PIK3R4: variants seen among roughly 807,000 people sequenced by gnomAD.
PIK3R4 encodes phosphoinositide-3-kinase regulatory subunit 4, also known as phosphoinositide 3-kinase regulatory subunit 4.
PIK3R4 carries 46 observed loss-of-function variants against 136.5 expected under a neutral mutation model. The ratio of observed to expected loss-of-function variants is 0.34; its 90% CI spans 0.27 to 0.43. The LOEUF is 0.43. Ranked by LOEUF, PIK3R4 falls within the 20% of genes least tolerant of loss-of-function variation. PIK3R4 has a pLI of 1.00. For missense variants in PIK3R4, 1,331 were observed against 1,649.5 expected, an observed-to-expected ratio of 0.81 and a Z score of 3.35; for synonymous variants, 557 against 566.7, an observed-to-expected ratio of 0.98 and a Z score of 0.24.
rs780909776 is a variant in PIK3R4, at chr3:130,705,716, C to G, written c.2777G>C (p.Ser926Thr). Residue 926 changes from serine to threonine, a missense_variant, in exon 12 of 20, where the codon AGT becomes ACT. Around this residue, in one of 2 missense-constraint regions of PIK3R4, gnomAD observed 1,180 missense variants for 1,407.0 expected, o/e 0.84. Transcript: ENST00000356763. ...CTGATAGGTGGATGGTAAGATTGTA[C>G]TACTTAAAACCGGTATTACTGGTTT... ...NKKPVIPVLS[S>T]TILPSTYQIR... 2 of 1,612,192 alleles carry G rather than the reference C, an allele frequency of 1.2e-6. No individual in the cohort carries two copies. Among genetic ancestry groups the G allele is most frequent in the Non-Finnish European group, 1.7e-6 (2 of 1,178,322 alleles).
At chr3:130,727,806 A>C (rs938903036) in intron 6 of PIK3R4, among the ~76,000 whole-genome samples, 1 of 152,196 alleles carries the variant, frequency 6.6e-6, no homozygotes, top group Admixed American at 6.5e-5. Context: ...AACATGACTT[A>C]ACCCATGCAA....
chr3:130,708,022 C>T (rs1046428161), intron 10 of PIK3R4, among the ~76,000 whole-genome samples: 1 of 152,168 alleles, frequency 6.6e-6, no homozygotes, highest in African/African-American at 2.4e-5. Flanking sequence ...ATGGTGACAA[C>T]GTGATTTTAC....
chr3:130,723,662 T>C (rs969459331), intron 6 of PIK3R4, 75 bp from the exon 7 acceptor site: 1 of 1,295,720 alleles, frequency 7.7e-7, no homozygotes, highest in South Asian at 1.5e-5. Flanking sequence ...AGCAATAAAA[T>C]TAAGCAAAAG....
At position 130,686,422 on chromosome 3, in the gene PIK3R4, T is replaced by C; in HGVS notation, c.3264A>G (p.Arg1088=). Residue 1088 remains arginine (R), a splice_region_variant and synonymous_variant, in exon 15 of 20, where the codon AGA becomes AGG. Coordinates refer to ENST00000356763, the MANE Select transcript of PIK3R4 (RefSeq NM_014602.3). ...AACCGTCCTCCTTCTGATCTAGAATTCTAGAGAAATACACAAAGCACAGAC... is the reference window on the plus strand; with the variant it reads ...AACCGTCCTCCTTCTGATCTAGAATCCTAGAGAAATACACAAAGCACAGAC... ...KSPKIHPLQS[R]ILDQKEDGCV... 1.3e-6 allele frequency: 2 copies of C among 1,587,332 alleles called. No individual in the cohort carries two copies. The highest frequency in any genetic ancestry group is 2.2e-5 in the South Asian group (2 of 90,524).
At chr3:130,726,446 T>C (rs1391744062) in intron 6 of PIK3R4, among the ~76,000 whole-genome samples, 1 of 152,080 alleles carries the variant, frequency 6.6e-6, no homozygotes, top group African/African-American at 2.4e-5. Flanking sequence ...ATAGGTAAAC[T>C]AAGCCACAAA....
rs1474876449 is a variant in PIK3R4 at position 130,746,480 on chromosome 3, GAA to G, written c.-211_-210del. On this transcript the variant is annotated 5_prime_UTR_variant, in exon 1 of 20. Transcript: ENST00000356763. ...GATGGGCTGTTGGTGGAGGGGCGCA[GAA>G]AAGTCCCGATCTTCAGGAACCCCGG... The G allele has an allele frequency of 6.6e-6, 1 of 152,258 alleles. No individual in the cohort carries two copies. Among genetic ancestry groups the G allele is most frequent in the Non-Finnish European group, 1.5e-5 (1 of 68,132 alleles). The allele number at this position is 152,258 out of a possible 1,614,324, so 9.4% of individuals were successfully genotyped here. A position where few individuals can be genotyped will look rare whatever the true frequency, so the allele number is the denominator to read the frequency against.
chr3:130,701,661 A>G (rs1184396349), intron 13 of PIK3R4, among the ~76,000 whole-genome samples: 3 of 152,150 alleles, frequency 2.0e-5, no homozygotes, highest in Non-Finnish European at 4.4e-5. Context: ...TTCAGGATAC[A>G]GTGGTATTAT....
In PIK3R4 at chr3:130,715,121, CT is replaced by C. The variant is rs1170237161; in HGVS notation, c.2331+1274del. Among the ~76,000 whole-genome samples, 944 of 119,874 alleles carry C rather than the reference CT, an allele frequency of 7.9e-3. 3 individuals carry two copies. The highest frequency in any genetic ancestry group is 0.024 in the African/African-American group (781 of 31,952). The allele number at this position is 119,874 out of a possible 152,430, so 78.6% of individuals were successfully genotyped here. A position where few individuals can be genotyped will look rare whatever the true frequency, so the allele number is the denominator to read the frequency against. ...CTCCCCAGGATCTATTTTTTCCCGA[CT>C]TTTTTTTTTTTTTTTTTTTTGGAGA... On this transcript the variant is annotated intron_variant, in intron 9 of 19. Transcript: ENST00000356763.
At chr3:130,728,049 T>C (rs538807558) in intron 6 of PIK3R4, among the ~76,000 whole-genome samples, 40 of 152,312 alleles carry the variant, frequency 2.6e-4, no homozygotes, top group African/African-American at 9.1e-4. Flanking sequence ...TTTTAACTTA[T>C]TTTCTGATTC....
rs2108512589 is a variant in PIK3R4 at position 130,679,192 on chromosome 3, G to GAAAC, written c.*119_*122dup. On this transcript the variant is annotated 3_prime_UTR_variant, in exon 20 of 20. Transcript: ENST00000356763. The stretch of plus-strand genomic sequence containing the variant: ...GGGTGTCATTTAGTCAGTCAGTCAT[G>GAAAC]AAACAGTAATATGGAGACATAATTT... 1.8e-6 allele frequency: 1 copy of GAAAC among 543,164 alleles called. No homozygotes were observed. Among genetic ancestry groups the GAAAC allele is most frequent in the Non-Finnish European group, 3.0e-6 (1 of 331,912 alleles). The allele number at this position is 543,164 out of a possible 1,614,324, so 33.6% of individuals were successfully genotyped here. A position where few individuals can be genotyped will look rare whatever the true frequency, so the allele number is the denominator to read the frequency against.
At chr3:130,718,761 AAC>A (rs901849082) in intron 7 of PIK3R4, among the ~76,000 whole-genome samples, 1 of 152,166 alleles carries the variant, frequency 6.6e-6, no homozygotes, top group Non-Finnish European at 1.5e-5. Flanking sequence ...AAAGAATAAA[AAC>A]AGTTACCTCA....
At chr3:130,686,049 A>G (rs1045478147) in intron 15 of PIK3R4, among the ~76,000 whole-genome samples, 162 bp downstream of exon 15, 1 of 150,924 alleles carries the variant, frequency 6.6e-6, no homozygotes, top group Admixed American at 6.6e-5. Flanking sequence ...TTTTTTAATG[A>G]AAAAAAAATA....
chr3:130,736,551 T>A (rs939011064), intron 2 of PIK3R4, among the ~76,000 whole-genome samples: 40 of 152,150 alleles, frequency 2.6e-4, no homozygotes, highest in African/African-American at 9.2e-4. Context: ...GCCATTGCAC[T>A]CCAGCCTGGA....
intron 12 of PIK3R4, among the ~76,000 whole-genome samples, chr3:130,704,514 A>G (rs2200368): frequency 0.21 from 31,306 of 152,132 alleles, 3,483 homozygotes; most frequent in South Asian, 0.36. Context: ...AGTAGCCCAT[A>G]GGAATTCACA....
At chr3:130,722,492 A>G (rs1381364961) in intron 7 of PIK3R4, among the ~76,000 whole-genome samples, 1 of 152,244 alleles carries the variant, frequency 6.6e-6, no homozygotes, top group Non-Finnish European at 1.5e-5. Context: ...TGTTTTGTAG[A>G]TAAATAAAAT....
chr3:130,724,982 C>T (rs914097434), intron 6 of PIK3R4, among the ~76,000 whole-genome samples: 1 of 151,880 alleles, frequency 6.6e-6, no homozygotes, highest in African/African-American at 2.4e-5. Context: ...GTTTTTCATA[C>T]ATTATACATT....
Position 130,686,723 on chromosome 3 carries a change from C to T in PIK3R4, c.3264-301G>A, listed in dbSNP as rs1576450212. ...TAATACTAGTAATTAGAGTACAGAA[C>T]GTGTTCTGATTTTATCAGTTTTCCC... On this transcript the variant is annotated intron_variant, in intron 14 of 19. Transcript: ENST00000356763. Among the ~76,000 whole-genome samples, 10 of 152,206 alleles carry T rather than the reference C, an allele frequency of 6.6e-5. No individual in the cohort carries two copies. In the South Asian group the frequency reaches 1.5e-3, roughly 22 times the overall value.
intron 13 of PIK3R4, among the ~76,000 whole-genome samples, chr3:130,698,763 G>A (rs986889524): frequency 6.3e-4 from 96 of 152,146 alleles, no homozygotes; most frequent in African/African-American, 2.2e-3. Flanking sequence ...TTAATATAAC[G>A]TGTCAATTTT....
At chr3:130,727,449 T>A (rs2066739233) in intron 6 of PIK3R4, among the ~76,000 whole-genome samples, 1 of 152,148 alleles carries the variant, frequency 6.6e-6, no homozygotes, top group Non-Finnish European at 1.5e-5. Flanking sequence ...GGTCTCGATC[T>A]CCTAACCTCG....
Sources: gnomAD v4.1 joint callset for allele counts (sites outside exome capture counted in the v4.1 genomes callset) on GRCh38, gnomAD v4.1.1 for gene constraint, gnomAD v4.1.1 regional missense constraint, MANE v1.5 for transcripts, NCBI Gene and HGNC (gene_info 2026-07-23, HGNC 2026-07-21) for gene names.